The following ZNF202 variants were observed in gnomAD, a reference collection of about 807,000 sequenced individuals.
ZNF202 encodes zinc finger protein with KRAB and SCAN domains 10.
In ZNF202, 22 loss-of-function variants were observed where a neutral mutation model predicts 54.5. That is an observed-to-expected ratio of 0.40 (90% CI 0.29 to 0.58). The LOEUF is 0.58. ZNF202 is among the 20% of genes least tolerant of loss of function. ZNF202 has a pLI of 0.39. For missense variants in ZNF202, 644 were observed against 805.5 expected (o/e 0.80, Z 2.43); for synonymous variants, 294 against 301.4 (o/e 0.98, Z 0.26).
chr11:123,732,971 A>T (rs1286944057), intron 3 of ZNF202, among the ~76,000 whole-genome samples: 5 of 151,986 alleles, frequency 3.3e-5, no homozygotes, highest in Admixed American at 6.6e-5. Context: ...TAGGAACTTT[A>T]AAAAAAATTA....
intron 3 of ZNF202, among the ~76,000 whole-genome samples, chr11:123,736,330 AAT>A (rs1225568231): frequency 6.6e-6 from 1 of 152,224 alleles, no homozygotes; most frequent in Non-Finnish European, 1.5e-5. Context: ...TGTACTGGCA[AAT>A]AATCTTCAGA....
chr11:123,729,594 C>T (rs1861312440), intron 5 of ZNF202, 21 bp downstream of exon 5: 1 of 1,524,924 alleles, frequency 6.6e-7, no homozygotes, highest in Non-Finnish European at 8.8e-7. Flanking sequence ...ACAATCCCCC[C>T]TTTCTGCTGA....
In ZNF202 at chr11:123,725,897, T is replaced by C; in HGVS notation, c.*100A>G. On this transcript the variant is annotated 3_prime_UTR_variant, in exon 9 of 9. Transcript: ENST00000530393. The stretch of plus-strand genomic sequence containing the variant: ...TCAGATCTGAGCAGGTCAGGGAGAC[T>C]CCCTCGAAAAGGTCTTCCCAGGCTG... 3 of 1,391,620 alleles carry C rather than the reference T, an allele frequency of 2.2e-6. No homozygotes were observed. Among genetic ancestry groups the C allele is most frequent in the Middle Eastern group, 2.4e-4 (1 of 4,090 alleles). The allele number at this position is 1,391,620 out of a possible 1,614,324, so 86.2% of individuals were successfully genotyped here. A position where few individuals can be genotyped will look rare whatever the true frequency, so the allele number is the denominator to read the frequency against.
rs772780549 is a variant in ZNF202, at chr11:123,729,781, C to T, written c.447G>A (p.Thr149=). 18 of 1,613,416 alleles carry T rather than the reference C, an allele frequency of 1.1e-5. No individual in the cohort carries two copies. Among genetic ancestry groups the T allele is most frequent in the Admixed American group, 5.0e-5 (3 of 59,936 alleles). ...ACTCAGGCTCCACTCCTAAATGCAC[C>T]GTCTCCTCTGACAGGACTTCCTGGC... is the stretch of plus-strand genomic sequence containing the variant. ...VHGQEVLSEE[T]VHLGVEPESP... The change falls in exon 5 of 9, where the codon ACG becomes ACA. Residue 149 remains threonine (T), a synonymous_variant. Transcript: ENST00000530393.
At chr11:123,729,009 G>A (rs1861281626) in intron 6 of ZNF202, 117 bp downstream of exon 6, 2 of 985,344 alleles carry the variant, frequency 2.0e-6, no homozygotes, top group Non-Finnish European at 3.1e-6. Context: ...CTGCAGAACT[G>A]TGAGCTTAAA....
chr11:123,736,921 G>A (rs1205241436), intron 3 of ZNF202, among the ~76,000 whole-genome samples: 2 of 151,906 alleles, frequency 1.3e-5, no homozygotes, highest in Non-Finnish European at 2.9e-5. Flanking sequence ...AATCGTTTTG[G>A]GAAGAAGGCA....
rs1271469653 is a variant in ZNF202, at chr11:123,729,155, T to A, written c.673A>T (p.Met225Leu). The change falls in exon 6 of 9, where the codon ATG (methionine) becomes TTG (leucine). Residue 225 changes from methionine (M) to leucine (L), a missense_variant. Met to Leu is a conservative substitution (Grantham distance 15). Coordinates refer to ENST00000530393, the MANE Select transcript of ZNF202 (RefSeq NM_003455.4). The part of the protein sequence containing the change: ...PAERSSGDSE[M>L]VALLTALSQG... ...GACAGAGCAGTAAGAAGAGCAACCA[T>A]CTCTGAGTCTCCAGAGCTCCTCTCT... 1.2e-6 allele frequency: 2 copies of A among 1,613,992 alleles called. No homozygotes were observed. Among genetic ancestry groups the A allele is most frequent in the South Asian group, 2.2e-5 (2 of 91,042 alleles).
chr11:123,730,347 T>C lies in ZNF202; in HGVS notation c.402+140A>G. On this transcript the variant is annotated intron_variant, in intron 4 of 8. Transcript: ENST00000530393. This position sits in a 1 kb window ranked among gnomAD's most constrained non-coding sequence, Gnocchi z 6.0. Reference sequence around the variant, plus strand: ...CATACACACACATCCCCCTAATCCATGGGGCTCATGGTATATGAGCAACCC... The same window carrying C: ...CATACACACACATCCCCCTAATCCACGGGGCTCATGGTATATGAGCAACCC... The C allele has an allele frequency of 9.7e-7, 1 of 1,026,966 alleles. No homozygotes were observed. Among genetic ancestry groups the C allele is most frequent in the South Asian group, 2.3e-5 (1 of 44,174 alleles). The allele number at this position is 1,026,966 out of a possible 1,614,324, so 63.6% of individuals were successfully genotyped here.
chr11:123,736,320 T>C (rs774066614), intron 3 of ZNF202, among the ~76,000 whole-genome samples: 1 of 152,246 alleles, frequency 6.6e-6, no homozygotes, highest in Non-Finnish European at 1.5e-5. Flanking sequence ...GATCTGCCTA[T>C]GTACTGGCAA....
At position 123,730,400 on chromosome 11, in the gene ZNF202, G is replaced by T; in HGVS notation, c.402+87C>A. On this transcript the variant is annotated intron_variant, in intron 4 of 8. Transcript: ENST00000530393. The surrounding 1 kb of genome is among the most constrained non-coding windows in gnomAD (Gnocchi z 6.0). Reference sequence around the variant, plus strand: ...GGGCAGAGCCCACTAATAATTTATGGGGATCCTGCAAGCTCTCCCCGCAAA... The same window carrying T: ...GGGCAGAGCCCACTAATAATTTATGTGGATCCTGCAAGCTCTCCCCGCAAA... 1 of 1,456,400 alleles carries T rather than the reference G, an allele frequency of 6.9e-7. No individual in the cohort carries two copies. The highest frequency in any genetic ancestry group is 9.1e-7 in the Non-Finnish European group (1 of 1,101,274). 90.2% of individuals were successfully genotyped at this position (1,456,400 alleles called of 1,614,324 possible). A position where few individuals can be genotyped will look rare whatever the true frequency, so the allele number is the denominator to read the frequency against.
chr11:123,727,860 T>C (rs1049348746), intron 7 of ZNF202, among the ~76,000 whole-genome samples: 1 of 152,242 alleles, frequency 6.6e-6, no homozygotes. Flanking sequence ...CTCCAACTCT[T>C]ACTGTTTTAA....
At chr11:123,736,746 T>C (rs150788590) in intron 3 of ZNF202, among the ~76,000 whole-genome samples, 2 of 152,306 alleles carry the variant, frequency 1.3e-5, no homozygotes, top group African/African-American at 4.8e-5. Flanking sequence ...TGTAACACAA[T>C]TTCCCTAAGC....
chr11:123,732,137 A>C (rs1591382045), intron 3 of ZNF202, among the ~76,000 whole-genome samples: 1 of 152,066 alleles, frequency 6.6e-6, no homozygotes, highest in East Asian at 1.9e-4. Flanking sequence ...CCCACAATTT[A>C]CAGCTTAGGT....
chr11:123,729,881 T>C (rs1231891687), intron 4 of ZNF202, 56 bp from the exon 5 acceptor site: 8 of 1,515,388 alleles, frequency 5.3e-6, no homozygotes, highest in East Asian at 2.3e-5. Flanking sequence ...TTCTTGGTTG[T>C]CACGGGAGCT....
chr11:123,729,807 C>T lies in ZNF202; in HGVS notation c.421G>A (p.Gly141Ser), dbSNP rs752027361. ...GTCTCCTCTGACAGGACTTCCTGGC[C>T]GTGAACATGGACAGTCACCTGGGAA... ...PRRWVTVHVH[G>S]QEVLSEETVH... Residue 141 changes from glycine (G) to serine (S), a missense_variant, in exon 5 of 9, where the codon GGC (glycine) becomes AGC (serine). Physicochemically the swap from Gly to Ser is moderately conservative, Grantham distance 56. This residue lies in a region of ZNF202 where 536 missense variants were observed against 635.3 expected (regional missense o/e 0.84). Coordinates refer to ENST00000530393, the MANE Select transcript of ZNF202 (RefSeq NM_003455.4). 4 of 1,609,056 alleles carry T rather than the reference C, an allele frequency of 2.5e-6. No homozygotes were observed. Among genetic ancestry groups the T allele is most frequent in the South Asian group, 2.2e-5 (2 of 90,182 alleles).
intron 3 of ZNF202, among the ~76,000 whole-genome samples, chr11:123,739,828 C>T (rs1861788901): frequency 6.6e-6 from 1 of 152,196 alleles, no homozygotes; most frequent in African/African-American, 2.4e-5. Context: ...AGTACCTGAG[C>T]CTTGTTAGAA....
intron 3 of ZNF202, among the ~76,000 whole-genome samples, chr11:123,732,069 T>C (rs1259850133): frequency 6.6e-6 from 1 of 152,148 alleles, no homozygotes; most frequent in Non-Finnish European, 1.5e-5. Context: ...TCTCCACCCT[T>C]CTCCTTTCCA....
chr11:123,726,954 C>T lies in ZNF202; in HGVS notation c.990G>A (p.Gln330=). 1 of 1,613,674 alleles carries T rather than the reference C, an allele frequency of 6.2e-7. No homozygotes were observed. Among genetic ancestry groups the T allele is most frequent in the Non-Finnish European group, 8.5e-7 (1 of 1,179,974 alleles). ...GTATATCCTCCAAACTCAGATCTTCCTGCTCCAGACACTCTTCCTCATCTT... is the reference window on the plus strand; with the variant it reads ...GTATATCCTCCAAACTCAGATCTTCTTGCTCCAGACACTCTTCCTCATCTT... ...RSKDEEECLE[Q]EDLSLEDIHR... is the part of the protein sequence containing the mutation. The change falls in exon 9 of 9, where the codon CAG becomes CAA. Residue 330 remains glutamine (Q), a synonymous_variant. Transcript: ENST00000530393. The surrounding 1 kb of genome is among the most constrained non-coding windows in gnomAD (Gnocchi z 6.0).
chr11:123,726,921 A>G lies in ZNF202; in HGVS notation c.1023T>C (p.Pro341=). ...GGTGAATTTCTGGTTCTCCCAAAAC[A>G]GGCCTGTGTATATCCTCCAAACTCA... ...EDLSLEDIHR[P]VLGEPEIHQT... is the part of the protein sequence containing the mutation. Residue 341 remains proline, a synonymous_variant, in exon 9 of 9, where the codon CCT becomes CCC. Coordinates refer to ENST00000530393, the MANE Select transcript of ZNF202 (RefSeq NM_003455.4). The surrounding 1 kb of genome is among the most constrained non-coding windows in gnomAD (Gnocchi z 6.0). 6.2e-7 allele frequency: 1 copy of G among 1,614,052 alleles called. No homozygotes were observed. The highest frequency in any genetic ancestry group is 8.5e-7 in the Non-Finnish European group (1 of 1,179,994).
Sources: allele counts gnomAD v4.1 joint callset (sites outside exome capture counted in the v4.1 genomes callset), GRCh38; gene constraint gnomAD v4.1.1; regional missense constraint gnomAD v4.1.1; non-coding constraint Gnocchi (gnomAD v3.1); transcripts MANE v1.5; gene names NCBI Gene and HGNC (gene_info 2026-07-23, HGNC 2026-07-21).